KANSL1: variants seen among roughly 807,000 people sequenced by gnomAD.
KANSL1 encodes the protein MLL1/MLL complex subunit KANSL1.
Under a neutral mutation model 103.6 loss-of-function variants are expected in KANSL1, and 22 were observed. The observed-to-expected ratio is 0.21, with a 90% confidence interval of 0.15 to 0.30. The LOEUF is 0.30. Ranked by LOEUF, KANSL1 falls within the 10% of genes least tolerant of loss-of-function variation. The pLI is 1.00. For missense variants in KANSL1, 1,337 were observed against 1,399.8 expected (o/e 0.96, Z 0.72); for synonymous variants, 600 against 527.6 (o/e 1.14, Z -1.88).
Position 46,034,318 on chromosome 17 carries a change from T to A in KANSL1, c.2542-33A>T, listed in dbSNP as rs756052025. On this transcript the variant is annotated intron_variant, in intron 10 of 14. Transcript: ENST00000432791. ...ATAAAAATTAAGTTTAAAAGGAAGG[T>A]ACAATTTTACAGACATCAAATCATT... 4 of 1,610,354 alleles carry A rather than the reference T, an allele frequency of 2.5e-6. No individual in the cohort carries two copies. The Admixed American group carries it at 6.7e-5, about 27-fold the overall frequency.
At chr17:46,050,218 G>A (rs2077664523) in intron 7 of KANSL1, 2 of 303,878 alleles carry the variant, frequency 6.6e-6, no homozygotes, top group African/African-American at 2.2e-5. Flanking sequence ...GCCTGGCCCA[G>A]ACAAAACATT....
At chr17:46,202,275 C>T (rs575878045) in intron 1 of KANSL1, among the ~76,000 whole-genome samples, 1 of 152,286 alleles carries the variant, frequency 6.6e-6, no homozygotes, top group African/African-American at 2.4e-5. Flanking sequence ...ATCCCATCTC[C>T]AAGATAGTAC....
intron 7 of KANSL1, chr17:46,040,898 A>T (rs186087379): frequency 4.5e-4 from 68 of 152,322 alleles, no homozygotes; most frequent in African/African-American, 1.5e-3. Flanking sequence ...TATTCCTAAG[A>T]ATTAATGTTT....
Position 46,080,244 on chromosome 17 carries a change from T to A in KANSL1, c.1533+2197A>T, listed in dbSNP as rs140201858. ...TAATAAACAAGCACAGTCCAGGAGT[T>A]TGAGGCTGAAGTGAGCTATGATTGT... On this transcript the variant is annotated intron_variant, in intron 4 of 14. Coordinates refer to ENST00000432791, the MANE Select transcript of KANSL1 (RefSeq NM_015443.4). 3.8e-3 allele frequency among the ~76,000 whole-genome samples: 559 copies of A among 147,294 alleles called. 3 individuals are homozygous for A. Among genetic ancestry groups the A allele is most frequent in the Non-Finnish European group, 6.8e-3 (457 of 67,268 alleles).
chr17:46,213,603 C>T (rs1489661518), intron 1 of KANSL1, among the ~76,000 whole-genome samples: 2 of 151,502 alleles, frequency 1.3e-5, no homozygotes, highest in Non-Finnish European at 2.9e-5. Flanking sequence ...CCACCGTGCC[C>T]GGCCCAAACG....
chr17:46,087,011 A>G (rs555241385), intron 3 of KANSL1, among the ~76,000 whole-genome samples: 1 of 152,000 alleles, frequency 6.6e-6, no homozygotes, highest in Non-Finnish European at 1.5e-5. Context: ...CAAGAGATCT[A>G]CCCGCCCTGG....
chr17:46,038,539 G>A lies in KANSL1; in HGVS notation c.2540C>T (p.Ser847Leu), dbSNP rs754964384. ...SSSSQVTASTSQQPVRRRRGE... is the reference protein window; with the variant it reads ...SSSSQVTASTLQQPVRRRRGE... Reference sequence around the variant, plus strand: ...GGCCAACCCCACACAGGTACTTACCGATGTGCTGGCTGTAACCTGTGAGCT... The same window carrying A: ...GGCCAACCCCACACAGGTACTTACCAATGTGCTGGCTGTAACCTGTGAGCT... The change falls in exon 10 of 15, where the codon TCG becomes TTG. Residue 847 changes from serine to leucine, a missense_variant and splice_region_variant. By Grantham distance (145) the Ser-to-Leu change is moderately radical. This residue lies in a region of KANSL1 where 780 missense variants were observed against 923.4 expected (regional missense o/e 0.84). Transcript: ENST00000432791. The A allele has an allele frequency of 7.4e-6, 12 of 1,613,838 alleles. No individual in the cohort carries two copies. The highest frequency in any genetic ancestry group is 3.3e-5 in the Admixed American group (2 of 59,982).
intron 2 of KANSL1, among the ~76,000 whole-genome samples, chr17:46,140,061 C>A (rs768085296): frequency 1.8e-4 from 28 of 152,134 alleles, no homozygotes; most frequent in Non-Finnish European, 3.5e-4. Flanking sequence ...CCTTCCCTTC[C>A]TCCATCCCAA....
At chr17:46,050,343 C>A in intron 7 of KANSL1, 190 bp downstream of exon 7, 1 of 593,464 alleles carries the variant, frequency 1.7e-6, no homozygotes, top group Non-Finnish European at 3.0e-6. Context: ...TAAGTTGCAA[C>A]CTTTTAGTGG....
chr17:46,142,152 A>G (rs1597784071), intron 2 of KANSL1, among the ~76,000 whole-genome samples: 1 of 152,246 alleles, frequency 6.6e-6, no homozygotes, highest in African/African-American at 2.4e-5. Context: ...AAATTCTCCT[A>G]TTAGTGTCTG....
Position 46,104,004 on chromosome 17 carries a change from G to A in KANSL1, c.1290-9303C>T, listed in dbSNP as rs1439715468. On this transcript the variant is annotated intron_variant, in intron 2 of 14. Transcript: ENST00000432791. ...GATCACGCCACTGCACTCTAGCCTG[G>A]GCGACAGAGTGAGACTCTGTCTCAA... Among the ~76,000 whole-genome samples, 7 of 152,136 alleles carry A rather than the reference G, an allele frequency of 4.6e-5. No individual in the cohort carries two copies. In the East Asian group the frequency reaches 1.3e-3, roughly 29 times the overall value.
chr17:46,157,355 C>G (rs1185358603), intron 2 of KANSL1, among the ~76,000 whole-genome samples: 1 of 152,152 alleles, frequency 6.6e-6, no homozygotes, highest in Admixed American at 6.5e-5. Flanking sequence ...GCCAATCTTA[C>G]CATTCAAGGA....
At position 46,192,940 on chromosome 17, in the gene KANSL1, G is replaced by C. The variant is rs1293632697; in HGVS notation, c.-207C>G. The C allele has an allele frequency of 1.3e-5, 2 of 150,562 alleles. No individual in the cohort carries two copies. The highest frequency in any genetic ancestry group is 3.0e-5 in the Non-Finnish European group (2 of 67,386). 9.3% of individuals were successfully genotyped at this position (150,562 alleles called of 1,614,324 possible). On this transcript the variant is annotated 5_prime_UTR_variant, in exon 1 of 15. Transcript: ENST00000432791. ...CGGCGGGCGGGGGCGCGCGACGGCG[G>C]CTCCGGCCCGGGCCCGCCGCTCTCC...
intron 4 of KANSL1, among the ~76,000 whole-genome samples, chr17:46,077,942 TC>T (rs1349619718): frequency 2.0e-5 from 3 of 151,796 alleles, no homozygotes; most frequent in Non-Finnish European, 4.4e-5. Flanking sequence ...TCTTTTTTTT[TC>T]TTTTTCCTCA....
chr17:46,085,190 T>C (rs1258130227), intron 3 of KANSL1, among the ~76,000 whole-genome samples: 1 of 152,198 alleles, frequency 6.6e-6, no homozygotes, highest in Non-Finnish European at 1.5e-5. Flanking sequence ...GTAAGGGTTA[T>C]TAGTCAGTAG....
chr17:46,204,336 G>C (rs1449731958), intron 1 of KANSL1, among the ~76,000 whole-genome samples: 1 of 152,156 alleles, frequency 6.6e-6, no homozygotes, highest in East Asian at 1.9e-4. Flanking sequence ...GTGGTGGCAG[G>C]GGCCTGTAAT....
At chr17:46,125,732 TA>T (rs1339417187) in intron 2 of KANSL1, among the ~76,000 whole-genome samples, 4 of 152,202 alleles carry the variant, frequency 2.6e-5, no homozygotes, top group African/African-American at 9.6e-5. Context: ...TATGTCAGAG[TA>T]CCCTTTTGAT....
chr17:46,171,449 G>A lies in KANSL1; in HGVS notation c.695C>T (p.Ser232Phe). 1 of 1,614,048 alleles carries A rather than the reference G, an allele frequency of 6.2e-7. No homozygotes were observed. Among genetic ancestry groups the A allele is most frequent in the South Asian group, 1.1e-5 (1 of 91,086 alleles). ...LYSNNSTANK[S>F]SVNSMEQPAL... is the part of the protein sequence containing the mutation. Reference sequence around the variant, plus strand: ...CGGCTGTTCCATGGAATTGACAGAGGATTTGTTTGCAGTGCTATTATTGCT... The same window carrying A: ...CGGCTGTTCCATGGAATTGACAGAGAATTTGTTTGCAGTGCTATTATTGCT... Residue 232 changes from serine (S) to phenylalanine (F), a missense_variant, in exon 2 of 15, where the codon TCC (serine) becomes TTC (phenylalanine). This residue lies in a region of KANSL1 where 557 missense variants were observed against 476.4 expected (regional missense o/e 1.17). Coordinates refer to ENST00000432791, the MANE Select transcript of KANSL1 (RefSeq NM_015443.4).
chr17:46,145,737 G>C (rs1330178944), intron 2 of KANSL1, among the ~76,000 whole-genome samples: 2 of 152,136 alleles, frequency 1.3e-5, no homozygotes, highest in African/African-American at 4.8e-5. Context: ...GCTTTTCCTT[G>C]TTTTTTTCTT....
Sources: allele counts gnomAD v4.1 joint callset (sites outside exome capture counted in the v4.1 genomes callset), GRCh38; gene constraint gnomAD v4.1.1; regional missense constraint gnomAD v4.1.1; transcripts MANE v1.5; gene names NCBI Gene and HGNC (gene_info 2026-07-23, HGNC 2026-07-21).